The following OPCML variants were observed in gnomAD, a reference collection of about 807,000 sequenced individuals.
OPCML encodes opioid-binding protein/cell adhesion molecule.
OPCML carries 13 observed loss-of-function variants against 37.8 expected under a neutral mutation model. The observed-to-expected ratio is 0.34, with a 90% CI of 0.22 to 0.55. OPCML has a LOEUF of 0.55. OPCML is among the 20% of genes least tolerant of loss of function. The pLI, the probability that OPCML is intolerant of heterozygous loss-of-function variation, is 0.91. For synonymous variants in OPCML, 176 were observed against 168.8 expected (o/e 1.04, Z -0.33); for missense variants, 341 against 435.6 (o/e 0.78, Z 1.93).
intron 2 of OPCML, among the ~76,000 whole-genome samples, chr11:132,775,032 C>A (rs1246450450): frequency 6.6e-6 from 1 of 152,148 alleles, no homozygotes; most frequent in Non-Finnish European, 1.5e-5. Flanking sequence ...AGAGCAGTTG[C>A]CTTTGTATAT....
intron 3 of OPCML, among the ~76,000 whole-genome samples, chr11:132,582,521 A>G (rs1396256464): frequency 1.3e-5 from 2 of 152,208 alleles, no homozygotes; most frequent in African/African-American, 4.8e-5. Context: ...TACTACACAT[A>G]GAAGGCAGTC....
At chr11:132,811,702 G>A (rs1032827434) in intron 2 of OPCML, among the ~76,000 whole-genome samples, 3 of 152,030 alleles carry the variant, frequency 2.0e-5, no homozygotes, top group South Asian at 2.1e-4. Context: ...TTAGAGTGTC[G>A]GCAACCCCAC....
rs536979398 is a variant in OPCML, at chr11:132,569,625, G to A, written c.380-40439C>T. ...GGTAGCCTCATTGAATGCTGAACAA[G>A]AGAAGTAAAATATAAAAATTAAACT... is the stretch of plus-strand genomic sequence containing the variant. On this transcript the variant is annotated intron_variant, in intron 3 of 7. Coordinates refer to ENST00000524381, the MANE Select transcript of OPCML (RefSeq NM_001012393.5). Among the ~76,000 whole-genome samples, 19 of 152,188 alleles carry A rather than the reference G, an allele frequency of 1.2e-4. No individual in the cohort carries two copies. The South Asian group carries it at 2.7e-3, about 22-fold the overall frequency.
chr11:132,890,207 T>C (rs939504820), intron 2 of OPCML, among the ~76,000 whole-genome samples: 1 of 152,192 alleles, frequency 6.6e-6, no homozygotes, highest in African/African-American at 2.4e-5. Flanking sequence ...TTCTGAGTGT[T>C]GGCTAAAATA....
intron 3 of OPCML, among the ~76,000 whole-genome samples, chr11:132,599,225 G>T (rs1213784416): frequency 6.6e-6 from 1 of 152,154 alleles, no homozygotes; most frequent in African/African-American, 2.4e-5. Context: ...GGTGGAGGTT[G>T]CAGTAAGCCG....
intron 1 of OPCML, among the ~76,000 whole-genome samples, chr11:133,178,892 A>G (rs1216083001): frequency 6.6e-6 from 1 of 152,232 alleles, no homozygotes; most frequent in Non-Finnish European, 1.5e-5. Flanking sequence ...AGATGTTTCA[A>G]AGAAAAATTC....
At chr11:133,282,672 G>A (rs1446170691) in intron 1 of OPCML, among the ~76,000 whole-genome samples, 2 of 152,206 alleles carry the variant, frequency 1.3e-5, no homozygotes, top group African/African-American at 4.8e-5. Flanking sequence ...ATGGAGCCAT[G>A]AGCAGCTTGC....
At chr11:132,422,265 T>A (rs1225145064) in intron 7 of OPCML, among the ~76,000 whole-genome samples, 1 of 152,158 alleles carries the variant, frequency 6.6e-6, no homozygotes, top group Admixed American at 6.5e-5. Flanking sequence ...GAAACATTCC[T>A]GTGGATACCA....
chr11:133,339,742 G>A (rs1943821587), intron 1 of OPCML, among the ~76,000 whole-genome samples: 1 of 152,144 alleles, frequency 6.6e-6, no homozygotes, highest in Non-Finnish European at 1.5e-5. Flanking sequence ...CTGGGCTCCT[G>A]TTGTTCTAGG....
intron 1 of OPCML, among the ~76,000 whole-genome samples, chr11:133,400,491 C>T (rs1016904150): frequency 6.6e-6 from 1 of 152,082 alleles, no homozygotes; most frequent in African/African-American, 2.4e-5. Flanking sequence ...AAGAGCTTTC[C>T]CAGAAATGAT....
intron 1 of OPCML, among the ~76,000 whole-genome samples, chr11:133,358,550 G>GA (rs1264382447): frequency 2.6e-5 from 4 of 152,112 alleles, no homozygotes; most frequent in Non-Finnish European, 4.4e-5. Flanking sequence ...CAAGGTACTG[G>GA]AAAAAAATAG....
At chr11:132,831,488 C>G (rs1940685271) in intron 2 of OPCML, among the ~76,000 whole-genome samples, 1 of 152,166 alleles carries the variant, frequency 6.6e-6, no homozygotes, top group Admixed American at 6.5e-5. Context: ...GTAGGTGAAT[C>G]AGTCTTGCTT....
intron 1 of OPCML, among the ~76,000 whole-genome samples, chr11:133,001,740 C>G (rs1017531769): frequency 1.1e-4 from 16 of 152,200 alleles, no homozygotes; most frequent in African/African-American, 3.9e-4. Context: ...AACCCAAAGG[C>G]CTATAGATTG....
intron 3 of OPCML, among the ~76,000 whole-genome samples, chr11:132,656,602 T>C (rs1459867999): frequency 6.6e-6 from 1 of 152,156 alleles, no homozygotes; most frequent in African/African-American, 2.4e-5. Flanking sequence ...ACAGCAGCAA[T>C]GCCAGGGAGG....
chr11:132,803,301 T>C (rs1021953627), intron 2 of OPCML, among the ~76,000 whole-genome samples: 2 of 152,212 alleles, frequency 1.3e-5, no homozygotes, highest in Non-Finnish European at 2.9e-5. Context: ...TTGTCACAGA[T>C]AGATCAAATG....
chr11:133,522,058 G>C (rs552316657), intron 1 of OPCML, among the ~76,000 whole-genome samples: 10 of 152,114 alleles, frequency 6.6e-5, no homozygotes, highest in Non-Finnish European at 1.5e-4. Context: ...AAGGCAGTGT[G>C]GTGGTATTAG....
At chr11:132,593,341 C>T (rs775895876) in intron 3 of OPCML, among the ~76,000 whole-genome samples, 2 of 152,154 alleles carry the variant, frequency 1.3e-5, no homozygotes, top group Non-Finnish European at 2.9e-5. Context: ...GCACCTCACT[C>T]GGTTTCCTGT....
At chr11:133,471,378 G>A (rs1338729183) in intron 1 of OPCML, among the ~76,000 whole-genome samples, 1 of 152,224 alleles carries the variant, frequency 6.6e-6, no homozygotes, top group Non-Finnish European at 1.5e-5. Flanking sequence ...GTAGGTAAAA[G>A]GGCAAGATGC....
At chr11:132,771,195 G>T (rs1422804382) in intron 2 of OPCML, among the ~76,000 whole-genome samples, 1 of 152,164 alleles carries the variant, frequency 6.6e-6, no homozygotes, top group Non-Finnish European at 1.5e-5. Flanking sequence ...AAGCACCAGG[G>T]TCTTGGGAGC....
Sources: allele counts gnomAD v4.1 joint callset (sites outside exome capture counted in the v4.1 genomes callset), GRCh38; gene constraint gnomAD v4.1.1; transcripts MANE v1.5; gene names NCBI Gene and HGNC (gene_info 2026-07-23, HGNC 2026-07-21).